Variants in LRRC37A2 observed in about 807,000 individuals in gnomAD.
LRRC37A2 encodes leucine-rich repeat-containing protein 37A2.
LRRC37A2 carries 9 observed loss-of-function variants against 68.8 expected under a neutral mutation model. The observed-to-expected ratio is 0.13, with a 90% confidence interval of 0.08 to 0.23. LRRC37A2 has a LOEUF of 0.23. Among genes scored for constraint, LRRC37A2 ranks in the 10% least tolerant of loss-of-function variants. The pLI is 1.00. For missense variants in LRRC37A2, 168 were observed against 950.4 expected, an observed-to-expected ratio of 0.18 and a Z score of 10.82; for synonymous variants, 63 against 367.6, an observed-to-expected ratio of 0.17 and a Z score of 9.48.
the LRRC37A2 span, among the ~76,000 whole-genome samples, chr17:46,989,514 TC>T: frequency 6.6e-6 from 1 of 152,188 alleles, no homozygotes; most frequent in Non-Finnish European, 1.5e-5. Flanking sequence ...GCTGAGCCAA[TC>T]TTAGTACTCT....
chr17:46,782,824 C>T, the LRRC37A2 span, among the ~76,000 whole-genome samples: 1 of 152,238 alleles, frequency 6.6e-6, no homozygotes. Context: ...AGGATTCCAG[C>T]TGCCACTGTT....
At chr17:46,558,232 G>T (rs1381050399), downstream of LRRC37A2, among the ~76,000 whole-genome samples, 18 of 84,954 alleles carry the variant, frequency 2.1e-4, no homozygotes, top group South Asian at 3.5e-4. Flanking sequence ...GCTAATTTTT[G>T]TATTTTTAGT....
chr17:46,779,966 C>T, the LRRC37A2 span, among the ~76,000 whole-genome samples: 1 of 152,270 alleles, frequency 6.6e-6, no homozygotes, highest in East Asian at 1.9e-4. Context: ...GCAATATTGG[C>T]CAGGCTGGTC....
intron 8 of LRRC37A2, among the ~76,000 whole-genome samples, chr17:46,542,810 A>G (rs1260604448): frequency 2.7e-5 from 4 of 150,632 alleles, no homozygotes; most frequent in Non-Finnish European, 5.9e-5. Flanking sequence ...ACCAGCCCCC[A>G]CAATATGGCA....
chr17:46,928,023 G>C, the LRRC37A2 span, among the ~76,000 whole-genome samples: 19 of 152,038 alleles, frequency 1.2e-4, no homozygotes, highest in African/African-American at 4.4e-4. Context: ...TGGTTGCCCT[G>C]CTTCAGGTGT....
chr17:46,534,601 A>T (rs1256133944), intron 6 of LRRC37A2, among the ~76,000 whole-genome samples: 4 of 148,162 alleles, frequency 2.7e-5, no homozygotes, highest in Admixed American at 6.6e-5. Context: ...ACTTCTTTCT[A>T]CACAGACACA....
the LRRC37A2 span, among the ~76,000 whole-genome samples, chr17:46,934,243 A>AT: frequency 7.0e-6 from 1 of 143,374 alleles, no homozygotes; most frequent in African/African-American, 2.9e-5. Flanking sequence ...CTCTCTGGGC[A>AT]TTTTTTCATC....
chr17:46,809,942 G>A, the LRRC37A2 span, among the ~76,000 whole-genome samples: 5 of 151,572 alleles, frequency 3.3e-5, no homozygotes, highest in Non-Finnish European at 7.4e-5. Flanking sequence ...GGGCTCTTAG[G>A]TCCATTCTTA....
chr17:46,973,309 TTTTTTC>T, the LRRC37A2 span, among the ~76,000 whole-genome samples: 4 of 151,918 alleles, frequency 2.6e-5, no homozygotes, highest in African/African-American at 9.7e-5. Context: ...CTGCTGCTGC[TTTTTTC>T]TTTTTCTTTT....
chr17:46,905,029 AT>A, the LRRC37A2 span, among the ~76,000 whole-genome samples: 14 of 151,992 alleles, frequency 9.2e-5, no homozygotes, highest in Non-Finnish European at 1.6e-4. Flanking sequence ...CAGTTTCTAC[AT>A]TGGATAAAGG....
At chr17:46,502,072 C>T in the LRRC37A2 span, among the ~76,000 whole-genome samples, 2 of 151,296 alleles carry the variant, frequency 1.3e-5, no homozygotes, top group African/African-American at 2.5e-5. Context: ...AGTTACTTGG[C>T]ATCATTTTGT....
At chr17:46,876,002 G>A in the LRRC37A2 span, among the ~76,000 whole-genome samples, 14 of 152,312 alleles carry the variant, frequency 9.2e-5, no homozygotes, top group East Asian at 2.1e-3. Context: ...CAGTCACTGA[G>A]TTGGTGTGAA....
the LRRC37A2 span, among the ~76,000 whole-genome samples, chr17:46,979,515 T>C: frequency 6.6e-6 from 1 of 152,184 alleles, no homozygotes; most frequent in Non-Finnish European, 1.5e-5. Context: ...TTCCAGGATT[T>C]GATACCCTTA....
chr17:46,947,398 G>A, the LRRC37A2 span, among the ~76,000 whole-genome samples: 1 of 152,178 alleles, frequency 6.6e-6, no homozygotes, highest in Non-Finnish European at 1.5e-5. Context: ...CCAACCAGGC[G>A]GAGGCAGGGC....
At chr17:46,827,052 C>T in the LRRC37A2 span, among the ~76,000 whole-genome samples, 4 of 152,216 alleles carry the variant, frequency 2.6e-5, no homozygotes, top group African/African-American at 9.6e-5. Flanking sequence ...GTTGGGATTA[C>T]AGGCATGAGC....
the LRRC37A2 span, among the ~76,000 whole-genome samples, chr17:46,974,731 CTCA>C: frequency 1.7e-5 from 1 of 60,236 alleles, no homozygotes; most frequent in Non-Finnish European, 3.9e-5. Context: ...AAGACTCTCT[CTCA>C]AAAAAAAAAA....
chr17:46,914,234 G>A, the LRRC37A2 span, among the ~76,000 whole-genome samples: 1 of 152,294 alleles, frequency 6.6e-6, no homozygotes, highest in East Asian at 1.9e-4. Flanking sequence ...CATTGGCACA[G>A]GTGGGACACA....
At chr17:46,963,609 A>G in the LRRC37A2 span, 3 of 151,950 alleles carry the variant, frequency 2.0e-5, no homozygotes, top group East Asian at 1.9e-4. Flanking sequence ...GACACACTTC[A>G]TAACAAGCAC....
At chr17:47,003,526 A>G in the LRRC37A2 span, among the ~76,000 whole-genome samples, 5 of 152,328 alleles carry the variant, frequency 3.3e-5, no homozygotes, top group Non-Finnish European at 5.9e-5. Flanking sequence ...CGCCCAATGC[A>G]TGGGGACTGG....
Sources: allele counts gnomAD v4.1 joint callset (sites outside exome capture counted in the v4.1 genomes callset), GRCh38; gene constraint gnomAD v4.1.1; transcripts MANE v1.5; gene names NCBI Gene and HGNC (gene_info 2026-07-23, HGNC 2026-07-21).